IQSEC2: variants seen among roughly 807,000 people sequenced by gnomAD.
The protein encoded by IQSEC2 is IQ motif and SEC7 domain-containing protein 2.
A neutral mutation model predicts 74.6 loss-of-function variants in IQSEC2; 6 were observed. The ratio of observed to expected loss-of-function variants is 0.08; its 90% CI spans 0.04 to 0.16. The LOEUF is 0.16. IQSEC2 is among the 10% of genes least tolerant of loss of function. The probability of loss-of-function intolerance (pLI) is 1.00; values close to 1 mark genes in which losing one functional copy is unlikely to be tolerated. For missense variants in IQSEC2, 734 were observed against 1,306.2 expected, an observed-to-expected ratio of 0.56 and a Z score of 6.75; for synonymous variants, 494 against 544.5, an observed-to-expected ratio of 0.91 and a Z score of 1.29.
intron 2 of IQSEC2, among the ~76,000 whole-genome samples, chrX:53,289,784 G>A (rs1161370230): frequency 1.8e-5 from 2 of 111,313 alleles, no homozygotes; most frequent in Admixed American, 9.6e-5. Flanking sequence ...TTGACTCTGG[G>A]CCCAGGATGG....
chrX:53,245,858 C>CTTTTT (rs368569948), intron 8 of IQSEC2, among the ~76,000 whole-genome samples: 2 of 75,673 alleles, frequency 2.6e-5, no homozygotes, highest in Non-Finnish European at 5.2e-5. Flanking sequence ...CTCAATTGTT[C>CTTTTT]TTTTTTTTTT....
chrX:53,250,698 G>A lies in IQSEC2; in HGVS notation c.1878C>T (p.Cys626=). 5.8e-6 allele frequency: 7 copies of A among 1,211,231 alleles called. No homozygotes were observed. Among genetic ancestry groups the A allele is most frequent in the Non-Finnish European group, 7.8e-6 (7 of 895,332 alleles). Residue 626 remains cysteine, a synonymous_variant, in exon 5 of 15, where the codon TGC becomes TGT. Transcript: ENST00000642864. The part of the protein sequence containing the change: ...HRQLVYEADG[C]SPHGTLKHKG... ...TGTGCTTCAGGGTCCCATGGGGGCT[G>A]CAGCCATCAGCCTCATACACCAGCT...
chrX:53,244,220 A>G (rs1556861563), intron 8 of IQSEC2, among the ~76,000 whole-genome samples: 1 of 107,729 alleles, frequency 9.3e-6, no homozygotes, highest in Non-Finnish European at 1.9e-5. Context: ...CTGTCTCAAA[A>G]AAAAAAAAAA....
chrX:53,299,452 C>T (rs2075188414), intron 1 of IQSEC2, among the ~76,000 whole-genome samples: 1 of 110,898 alleles, frequency 9.0e-6, no homozygotes, highest in Non-Finnish European at 1.9e-5. Flanking sequence ...CTTTCAGTTT[C>T]CCCAGAGAAC....
chrX:53,243,333 G>A lies in IQSEC2; in HGVS notation c.2888C>T (p.Pro963Leu). The A allele has an allele frequency of 8.6e-7, 1 of 1,166,001 alleles. No homozygotes were observed. The highest frequency in any genetic ancestry group is 3.3e-5 in the East Asian group (1 of 30,734). ...TCTGCAGCCTCCCAAGGCACTTACTGGTTTCTTTCCAACAATCATGCGCTC... is the reference window on the plus strand; with the variant it reads ...TCTGCAGCCTCCCAAGGCACTTACTAGTTTCTTTCCAACAATCATGCGCTC... ...AVERMIVGKK[P>L]VLSLPHRRLV... is the part of the protein sequence containing the mutation. Residue 963 changes from proline (P) to leucine (L), a missense_variant and splice_region_variant, in exon 9 of 15, where the codon CCA becomes CTA. Pro to Leu is a moderately conservative substitution (Grantham distance 98). Transcript: ENST00000642864.
intron 1 of IQSEC2, among the ~76,000 whole-genome samples, chrX:53,305,216 G>A (rs1443885586): frequency 9.5e-6 from 1 of 104,886 alleles, no homozygotes; most frequent in Non-Finnish European, 2.0e-5. Flanking sequence ...ACCACGCCCG[G>A]CCTTATTTAT....
At chrX:53,293,479 T>C (rs2075122356) in intron 1 of IQSEC2, among the ~76,000 whole-genome samples, 1 of 111,950 alleles carries the variant, frequency 8.9e-6, no homozygotes, top group South Asian at 3.7e-4. Context: ...TTTATTAAAA[T>C]GTTCCATCTC....
chrX:53,255,014 C>G, intron 3 of IQSEC2, 83 bp from the exon 4 acceptor site: 3 of 998,584 alleles, frequency 3.0e-6, no homozygotes, highest in Non-Finnish European at 2.8e-6. Context: ...ACCACCCCCA[C>G]TGGAATCATG....
At chrX:53,286,321 T>C (rs923702180) in intron 2 of IQSEC2, among the ~76,000 whole-genome samples, 1 of 112,299 alleles carries the variant, frequency 8.9e-6, no homozygotes, top group Admixed American at 9.4e-5. Flanking sequence ...TGCTATAAAA[T>C]AGGAACCAAA....
chrX:53,262,581 A>T (rs1410508524), intron 2 of IQSEC2, among the ~76,000 whole-genome samples: 1 of 112,321 alleles, frequency 8.9e-6, no homozygotes, highest in East Asian at 2.8e-4. Flanking sequence ...AGACTGGGCC[A>T]GGAGACTGGA....
At chrX:53,280,145 G>A (rs1246048538) in intron 2 of IQSEC2, among the ~76,000 whole-genome samples, 1 of 97,972 alleles carries the variant, frequency 1.0e-5, no homozygotes, top group Non-Finnish European at 2.0e-5. Flanking sequence ...AGGGGGAAGG[G>A]AGCCCTCCTC....
At chrX:53,317,601 C>CG (rs2075390538) in intron 1 of IQSEC2, among the ~76,000 whole-genome samples, 1 of 111,998 alleles carries the variant, frequency 8.9e-6, no homozygotes, top group Admixed American at 9.4e-5. Context: ...CTAGGCACAG[C>CG]GGGGCCCCCC....
chrX:53,251,810 A>C (rs1185343805), intron 4 of IQSEC2, among the ~76,000 whole-genome samples: 1 of 112,634 alleles, frequency 8.9e-6, no homozygotes, highest in Non-Finnish European at 1.9e-5. Context: ...CTGTAATCCC[A>C]GCACTTTGGG....
At chrX:53,243,590 G>T in intron 8 of IQSEC2, 119 bp from the exon 9 acceptor site, 2 of 980,777 alleles carry the variant, frequency 2.0e-6, no homozygotes, top group Non-Finnish European at 2.7e-6. Flanking sequence ...GGGTCAATGG[G>T]TACCCTCGGC....
downstream of IQSEC2, among the ~76,000 whole-genome samples, chrX:53,232,193 C>T (rs1014212614): frequency 1.8e-5 from 2 of 112,143 alleles, no homozygotes; most frequent in Non-Finnish European, 1.9e-5. Context: ...TGAGTGGCCT[C>T]GGGAGAGACT....
intron 2 of IQSEC2, among the ~76,000 whole-genome samples, chrX:53,291,601 C>T (rs1054000108): frequency 9.9e-5 from 11 of 111,149 alleles, no homozygotes; most frequent in African/African-American, 3.6e-4. Flanking sequence ...CCAGAGCTGA[C>T]CTCTCAGCTT....
At chrX:53,319,208 C>T (rs1218267824) in intron 1 of IQSEC2, among the ~76,000 whole-genome samples, 2 of 112,113 alleles carry the variant, frequency 1.8e-5, no homozygotes, top group Non-Finnish European at 3.8e-5. Flanking sequence ...AGAGACACTC[C>T]ACTGGTTGTG....
intron 14 of IQSEC2, 120 bp downstream of exon 14, chrX:53,235,663 A>C (rs2074115317): frequency 1.4e-6 from 1 of 702,492 alleles, no homozygotes; most frequent in Non-Finnish European, 2.2e-6. Context: ...TGGCTGGGAG[A>C]GGCAGCCGCA....
downstream of IQSEC2, among the ~76,000 whole-genome samples, chrX:53,228,136 T>C (rs782532691): frequency 3.6e-5 from 4 of 110,909 alleles, no homozygotes; most frequent in Non-Finnish European, 7.6e-5. Flanking sequence ...TTAGGAGGAT[T>C]AGAGATAATG....
Sources: allele counts gnomAD v4.1 joint callset (sites outside exome capture counted in the v4.1 genomes callset), GRCh38; gene constraint gnomAD v4.1.1; transcripts MANE v1.5; gene names NCBI Gene and HGNC (gene_info 2026-07-23, HGNC 2026-07-21).